The following GPRC5A variants were observed in gnomAD, a reference collection of about 807,000 sequenced individuals.
The protein encoded by GPRC5A is G protein-coupled receptor class C group 5 member A, also known as retinoic acid-induced protein 3.
A neutral mutation model predicts 22.5 loss-of-function variants in GPRC5A; 19 were observed. That is an observed-to-expected ratio of 0.85 (90% CI 0.59 to 1.24). The LOEUF (loss-of-function observed/expected upper bound fraction) is 1.24, where lower values mean the gene tolerates loss of function less well. GPRC5A is among the 50% of genes most tolerant of loss of function. GPRC5A has a pLI of 0.00. For synonymous variants in GPRC5A, 192 were observed against 184.5 expected (o/e 1.04, Z -0.33); for missense variants, 471 against 451.1 (o/e 1.04, Z -0.40).
chr12:12,894,772 G>GTT (rs56794431), intron 1 of GPRC5A, among the ~76,000 whole-genome samples: 6,731 of 67,022 alleles, frequency 0.1, 1,438 homozygotes, highest in South Asian at 0.15. Flanking sequence ...GTCTAGGATG[G>GTT]TTTTTTTTTT....
intron 1 of GPRC5A, among the ~76,000 whole-genome samples, chr12:12,895,970 G>A (rs1272432031): frequency 7.1e-6 from 1 of 140,492 alleles, no homozygotes; most frequent in Admixed American, 7.3e-5. Context: ...TCCAGCCTGG[G>A]CAACATAGTG....
chr12:12,904,709 A>G (rs1450087622), intron 1 of GPRC5A, among the ~76,000 whole-genome samples: 1 of 152,170 alleles, frequency 6.6e-6, no homozygotes, highest in African/African-American at 2.4e-5. Context: ...ACTTTAACAC[A>G]CTATACATAA....
intron 2 of GPRC5A, chr12:12,909,897 G>C (rs1345946131): frequency 2.2e-5 from 3 of 135,636 alleles, no homozygotes; most frequent in Non-Finnish European, 4.6e-5. Flanking sequence ...CCAGAAGTTT[G>C]AGACCAGCTT....
chr12:12,893,694 AC>A (rs1303926538), intron 1 of GPRC5A, among the ~76,000 whole-genome samples: 2 of 152,222 alleles, frequency 1.3e-5, no homozygotes. Context: ...TGGTCCATGG[AC>A]CAAATATGGC....
chr12:12,893,739 GTTTTGTTTTGTTTTGT>G (rs1223066768), intron 1 of GPRC5A, among the ~76,000 whole-genome samples: 2 of 122,452 alleles, frequency 1.6e-5, no homozygotes, highest in African/African-American at 5.7e-5. Flanking sequence ...AGTGATTTTT[GTTTTGTTTTGTTTTGT>G]TTTTGTTTTC....
chr12:12,906,928 G>A (rs568409356), intron 1 of GPRC5A, among the ~76,000 whole-genome samples: 3 of 152,008 alleles, frequency 2.0e-5, no homozygotes, highest in East Asian at 3.9e-4. Flanking sequence ...ATGTTGGCGC[G>A]TGCCTGTAAT....
At chr12:12,910,078 C>T (rs535882959) in intron 2 of GPRC5A, among the ~76,000 whole-genome samples, 10 of 152,138 alleles carry the variant, frequency 6.6e-5, no homozygotes, top group African/African-American at 2.2e-4. Flanking sequence ...TCATAGGGAC[C>T]TATTCATTGG....
At position 12,917,096 on chromosome 12, in the gene GPRC5A, C is replaced by CT. The variant is rs1199798309; in HGVS notation, c.*4558dup. ...AAATCAACCCCCAGTTTGTAGATTGCTCTCTTTGGAAATTCTGTGGCCCAA... is the reference window on the plus strand; with the variant it reads ...AAATCAACCCCCAGTTTGTAGATTGCTTCTCTTTGGAAATTCTGTGGCCCAA... On this transcript the variant is annotated 3_prime_UTR_variant, in exon 4 of 4. Coordinates refer to ENST00000014914, the MANE Select transcript of GPRC5A (RefSeq NM_003979.4). The CT allele has an allele frequency of 3.3e-5, 5 of 152,148 alleles. No individual in the cohort carries two copies. The highest frequency in any genetic ancestry group is 7.3e-5 in the Non-Finnish European group (5 of 68,046). The allele number at this position is 152,148 out of a possible 1,614,324, so 9.4% of individuals were successfully genotyped here.
intron 2 of GPRC5A, 156 bp downstream of exon 2, chr12:12,909,327 C>A: frequency 1.6e-6 from 1 of 609,254 alleles, no homozygotes; most frequent in Non-Finnish European, 2.8e-6. Context: ...TTAAAGTCGT[C>A]CAGCCTGTTA....
At chr12:12,912,406 G>A (rs756508967) in intron 3 of GPRC5A, 41 bp from the exon 4 acceptor site, 7 of 1,279,054 alleles carry the variant, frequency 5.5e-6, no homozygotes, top group Non-Finnish European at 6.9e-6. Flanking sequence ...GAAATGGCAG[G>A]AACTGGAGTG....
At chr12:12,896,793 G>A (rs1194655430) in intron 1 of GPRC5A, among the ~76,000 whole-genome samples, 4 of 152,302 alleles carry the variant, frequency 2.6e-5, no homozygotes, top group South Asian at 4.1e-4. Flanking sequence ...GGAGATAGAT[G>A]CCACAAAGAA....
intron 1 of GPRC5A, among the ~76,000 whole-genome samples, chr12:12,895,635 A>G (rs1203753577): frequency 1.3e-5 from 2 of 151,756 alleles, no homozygotes; most frequent in East Asian, 3.8e-4. Flanking sequence ...ACCCTTATGT[A>G]TCAGAATAAG....
At chr12:12,905,984 G>C (rs1170476082) in intron 1 of GPRC5A, among the ~76,000 whole-genome samples, 1 of 152,156 alleles carries the variant, frequency 6.6e-6, no homozygotes, top group Non-Finnish European at 1.5e-5. Flanking sequence ...GATGAGGGGA[G>C]GGGTAGGGAG....
chr12:12,896,505 T>C (rs916417288), intron 1 of GPRC5A, among the ~76,000 whole-genome samples: 1 of 152,182 alleles, frequency 6.6e-6, no homozygotes, highest in Non-Finnish European at 1.5e-5. Context: ...GTAGGACTTC[T>C]CCCTTAGAAG....
At chr12:12,900,411 G>C (rs967558683) in intron 1 of GPRC5A, among the ~76,000 whole-genome samples, 2 of 152,182 alleles carry the variant, frequency 1.3e-5, no homozygotes, top group Admixed American at 1.3e-4. Flanking sequence ...GATGAGAGGA[G>C]GCTTTGAGAG....
chr12:12,895,274 G>T (rs1272041053), intron 1 of GPRC5A, among the ~76,000 whole-genome samples: 1 of 151,542 alleles, frequency 6.6e-6, no homozygotes, highest in East Asian at 1.9e-4. Flanking sequence ...TATTATGTTA[G>T]TATTTCTTTT....
chr12:12,901,773 A>AAC (rs1327468267), intron 1 of GPRC5A, among the ~76,000 whole-genome samples: 14 of 151,978 alleles, frequency 9.2e-5, no homozygotes, highest in Admixed American at 9.2e-4. Flanking sequence ...AAAAAAAAAA[A>AAC]AAAAAAAAAA....
rs1864012408 is a variant in GPRC5A, at chr12:12,912,155, T to G, written c.981+13T>G. 6.3e-7 allele frequency: 1 copy of G among 1,583,526 alleles called. No individual in the cohort carries two copies. Among genetic ancestry groups the G allele is most frequent in the Non-Finnish European group, 8.7e-7 (1 of 1,152,256 alleles). ...TTTTCAGCTGCAGGTAAGTGATTTTTTTCTCCCTCTTCATCAAAGGCATTA... is the reference window on the plus strand; with the variant it reads ...TTTTCAGCTGCAGGTAAGTGATTTTGTTCTCCCTCTTCATCAAAGGCATTA... On this transcript the variant is annotated intron_variant, in intron 3 of 3. Coordinates refer to ENST00000014914, the MANE Select transcript of GPRC5A (RefSeq NM_003979.4).
chr12:12,907,985 G>A (rs1863960462), intron 1 of GPRC5A, among the ~76,000 whole-genome samples: 1 of 152,168 alleles, frequency 6.6e-6, no homozygotes, highest in East Asian at 1.9e-4. Context: ...AGGTTCTCTG[G>A]CTTTAAGGTA....
Sources: gnomAD v4.1 joint callset for allele counts (sites outside exome capture counted in the v4.1 genomes callset) on GRCh38, gnomAD v4.1.1 for gene constraint, MANE v1.5 for transcripts, NCBI Gene and HGNC (gene_info 2026-07-23, HGNC 2026-07-21) for gene names.